DHX16: variants seen among roughly 807,000 people sequenced by gnomAD.
The protein encoded by DHX16 is pre-mRNA-splicing factor ATP-dependent RNA helicase DHX16.
A neutral mutation model predicts 131.2 loss-of-function variants in DHX16; 81 were observed. The observed-to-expected ratio is 0.62, with a 90% confidence interval of 0.52 to 0.74. The LOEUF (loss-of-function observed/expected upper bound fraction) is 0.74. Ranked by LOEUF, DHX16 falls within the 30% of genes least tolerant of loss-of-function variation. The pLI is 0.00. For synonymous variants in DHX16, 440 were observed against 520.2 expected (o/e 0.85, Z 2.10); for missense variants, 980 against 1,363.1 (o/e 0.72, Z 4.43).
At position 30,665,537 on chromosome 6, in the gene DHX16, T is replaced by G. The variant is rs752008971; in HGVS notation, c.863A>C (p.Glu288Ala). The G allele has an allele frequency of 1.3e-5, 21 of 1,612,814 alleles. No homozygotes were observed. Among genetic ancestry groups the G allele is most frequent in the Non-Finnish European group, 1.7e-5 (20 of 1,180,016 alleles). ...DLAREYRAAG[E>A]QEKLEATNRY... is the part of the protein sequence containing the mutation. ...ATTGGTGGCCTCCAGCTTCTCCTGC[T>G]CCCCAGCTGCCCGGTACTCCCGGGC... Residue 288 changes from glutamate (E) to alanine (A), a missense_variant, in exon 5 of 20, where the codon GAG (glutamate) becomes GCG (alanine). Physicochemically the swap from Glu to Ala is moderately radical, Grantham distance 107. Transcript: ENST00000376442. The surrounding 1 kb of genome is among the most constrained non-coding windows in gnomAD (Gnocchi z 4.8).
At chr6:30,671,497 G>A (rs911628816) in intron 1 of DHX16, among the ~76,000 whole-genome samples, 8 of 151,682 alleles carry the variant, frequency 5.3e-5, no homozygotes, top group African/African-American at 1.9e-4. Context: ...ACAGGCACAT[G>A]CCACCACGCC....
intron 4 of DHX16, among the ~76,000 whole-genome samples, chr6:30,666,217 CTG>C (rs1194350587): frequency 1.3e-5 from 2 of 152,154 alleles, no homozygotes; most frequent in Admixed American, 6.5e-5. Context: ...AACGGAATGA[CTG>C]TAGTTTGAGG....
chr6:30,661,154 C>A (rs983608038), intron 9 of DHX16, among the ~76,000 whole-genome samples: 5 of 151,382 alleles, frequency 3.3e-5, no homozygotes, highest in Non-Finnish European at 7.4e-5. Context: ...CTCGGCTCAC[C>A]GCAAGCTCCG....
chr6:30,665,781 C>A lies in DHX16; in HGVS notation c.667-48G>T, dbSNP rs763756742. The A allele has an allele frequency of 6.3e-7, 1 of 1,579,090 alleles. No individual in the cohort carries two copies. Among genetic ancestry groups the A allele is most frequent in the Admixed American group, 1.7e-5 (1 of 57,450 alleles). On this transcript the variant is annotated intron_variant, in intron 4 of 19. Coordinates refer to ENST00000376442, the MANE Select transcript of DHX16 (RefSeq NM_003587.5). This position sits in a 1 kb window ranked among gnomAD's most constrained non-coding sequence, Gnocchi z 4.8. ...AATCCTCATCTTGCTGGAGGAGCAA[C>A]CCCTTTCTCTACCAATCCCTACAAG...
chr6:30,655,633 A>G, intron 16 of DHX16, 36 bp from the exon 17 acceptor site: 1 of 1,610,664 alleles, frequency 6.2e-7, no homozygotes, highest in South Asian at 1.1e-5. Flanking sequence ...GTTCAAAGCA[A>G]GACACATAGG....
chr6:30,655,494 G>C lies in DHX16; in HGVS notation c.2602C>G (p.Arg868Gly). ...CCGCCAGGGAGAAAGAAGTTGACACGGGCATTGTCAGCATGGACGACCTTG... is the reference window on the plus strand; with the variant it reads ...CCGCCAGGGAGAAAGAAGTTGACACCGGCATTGTCAGCATGGACGACCTTG... ...KDKVVHADNA[R>G]VNFFLPGGDH... The change falls in exon 17 of 20, where the codon CGT becomes GGT. Residue 868 changes from arginine to glycine, a missense_variant. This residue lies in a region of DHX16 where 214 missense variants were observed against 271.2 expected (regional missense o/e 0.79). Coordinates refer to ENST00000376442, the MANE Select transcript of DHX16 (RefSeq NM_003587.5). 1.2e-6 allele frequency: 2 copies of C among 1,613,226 alleles called. No individual in the cohort carries two copies. The highest frequency in any genetic ancestry group is 1.7e-6 in the Non-Finnish European group (2 of 1,180,038).
At position 30,665,586 on chromosome 6, in the gene DHX16, A is replaced by G. The variant is rs1768969656; in HGVS notation, c.814T>C (p.Tyr272His). Residue 272 changes from tyrosine to histidine, a missense_variant, in exon 5 of 20, where the codon TAT becomes CAT. By Grantham distance (83) the Tyr-to-His change is moderately conservative (BLOSUM62 2). Coordinates refer to ENST00000376442, the MANE Select transcript of DHX16 (RefSeq NM_003587.5). This position sits in a 1 kb window ranked among gnomAD's most constrained non-coding sequence, Gnocchi z 4.8. ...LSRHERQELK[Y>H]KRRVRDLARE... ...GCGAGATCCCGCACTCGCCGCTTAT[A>G]TTTGAGCTCCTGCCGCTCGTGCCGG... The G allele has an allele frequency of 6.2e-7, 1 of 1,612,826 alleles. No homozygotes were observed. Among genetic ancestry groups the G allele is most frequent in the Non-Finnish European group, 8.5e-7 (1 of 1,179,996 alleles).
Position 30,653,887 on chromosome 6 carries a change from C to T in DHX16, c.2998-517G>A, listed in dbSNP as rs186317279. On this transcript the variant is annotated intron_variant, in intron 19 of 19. Coordinates refer to ENST00000376442, the MANE Select transcript of DHX16 (RefSeq NM_003587.5). ...CTGTAATCCCAACACTTTGGGAGGC[C>T]GTGGCAGGCGGATCATGAGGTCAGG... Among the ~76,000 whole-genome samples, 43 of 152,216 alleles carry T rather than the reference C, an allele frequency of 2.8e-4. No individual in the cohort carries two copies. The East Asian group carries it at 7.3e-3, about 26-fold the overall frequency.
At chr6:30,654,663 C>T in intron 19 of DHX16, 43 bp downstream of exon 19, 1 of 1,569,768 alleles carries the variant, frequency 6.4e-7, no homozygotes. Flanking sequence ...CACCATCTCT[C>T]TACATAGTCT....
Position 30,663,019 on chromosome 6 carries a change from A to T in DHX16, c.1320T>A (p.Gly440=). The T allele has an allele frequency of 6.2e-7, 1 of 1,601,384 alleles. No homozygotes were observed. The change falls in exon 8 of 20, where the codon GGT becomes GGA. Residue 440 remains glycine (G), a splice_region_variant and synonymous_variant. Transcript: ENST00000376442. ...CAATCTTCATACCCTTGTTTGTATAACCCTGAATGACAAAGAAAAAAGAAG... is the reference window on the plus strand; with the variant it reads ...CAATCTTCATACCCTTGTTTGTATATCCCTGAATGACAAAGAAAAAAGAAG... ...TQIPQYLFEE[G]YTNKGMKIAC... is the part of the protein sequence containing the mutation.
intron 9 of DHX16, 117 bp from the exon 10 acceptor site, chr6:30,660,359 G>A (rs1768393726): frequency 1.2e-6 from 1 of 833,970 alleles, no homozygotes; most frequent in African/African-American, 1.7e-5. Context: ...AATGACTGTT[G>A]ACGGAGGGGG....
At chr6:30,653,457 G>C in intron 19 of DHX16, 87 bp from the exon 20 acceptor site, 1 of 1,449,430 alleles carries the variant, frequency 6.9e-7, no homozygotes, top group Non-Finnish European at 9.1e-7. Flanking sequence ...AATTGAAACA[G>C]AGTCTTGCTC....
chr6:30,663,280 G>C (rs1011172790), intron 7 of DHX16, among the ~76,000 whole-genome samples: 1 of 152,176 alleles, frequency 6.6e-6, no homozygotes, highest in Admixed American at 6.5e-5. Context: ...AGCTGAGACA[G>C]AGCCAGCTAA....
In DHX16 at chr6:30,663,025, A is replaced by G; in HGVS notation, c.1318-4T>C. On this transcript the variant is annotated splice_region_variant and splice_polypyrimidine_tract_variant and intron_variant, in intron 7 of 19. Transcript: ENST00000376442. Reference sequence around the variant, plus strand: ...TCATACCCTTGTTTGTATAACCCTGAATGACAAAGAAAAAAGAAGAAGTTT... The same window carrying G: ...TCATACCCTTGTTTGTATAACCCTGGATGACAAAGAAAAAAGAAGAAGTTT... The G allele has an allele frequency of 1.3e-6, 2 of 1,598,644 alleles. No homozygotes were observed. The highest frequency in any genetic ancestry group is 1.7e-6 in the Non-Finnish European group (2 of 1,173,644).
At chr6:30,666,174 T>C (rs914203695) in intron 4 of DHX16, among the ~76,000 whole-genome samples, 3 of 152,166 alleles carry the variant, frequency 2.0e-5, no homozygotes, top group African/African-American at 7.2e-5. Context: ...CAGGAGGCAA[T>C]CTTCAGCCCC....
intron 12 of DHX16, among the ~76,000 whole-genome samples, chr6:30,658,355 C>G (rs947577810): frequency 6.6e-6 from 1 of 152,056 alleles, no homozygotes; most frequent in Non-Finnish European, 1.5e-5. Flanking sequence ...CCAACCTGGC[C>G]AAAATAGCGA....
Position 30,665,444 on chromosome 6 carries a change from G to C in DHX16, c.921+35C>G, listed in dbSNP as rs1274607690. ...AAGCCTTCCCCACAACTTGTCTTGG[G>C]GACCAAGGCTGAAGCAGACGCCGCT... On this transcript the variant is annotated intron_variant, in intron 5 of 19. Coordinates refer to ENST00000376442, the MANE Select transcript of DHX16 (RefSeq NM_003587.5). This position sits in a 1 kb window ranked among gnomAD's most constrained non-coding sequence, Gnocchi z 4.8. 40 of 1,598,364 alleles carry C rather than the reference G, an allele frequency of 2.5e-5. No individual in the cohort carries two copies. The highest frequency in any genetic ancestry group is 3.2e-5 in the Non-Finnish European group (37 of 1,170,944).
chr6:30,664,175 A>G (rs1768786378), intron 7 of DHX16, among the ~76,000 whole-genome samples: 1 of 151,630 alleles, frequency 6.6e-6, no homozygotes, highest in Non-Finnish European at 1.5e-5. Flanking sequence ...GCATCAGAGC[A>G]AGAGCCTGTC....
chr6:30,663,684 G>A (rs993998299), intron 7 of DHX16, among the ~76,000 whole-genome samples: 2 of 136,546 alleles, frequency 1.5e-5, no homozygotes, highest in African/African-American at 5.6e-5. Flanking sequence ...TCATGCCACC[G>A]CACTCCAGCC....
Sources: allele counts gnomAD v4.1 joint callset (sites outside exome capture counted in the v4.1 genomes callset), GRCh38; gene constraint gnomAD v4.1.1; regional missense constraint gnomAD v4.1.1; non-coding constraint Gnocchi (gnomAD v3.1); transcripts MANE v1.5; gene names NCBI Gene and HGNC (gene_info 2026-07-23, HGNC 2026-07-21).